ASH1L: variants seen among roughly 807,000 people sequenced by gnomAD.
ASH1L encodes ASH1 like histone lysine methyltransferase, also known as histone-lysine N-methyltransferase ASH1L.
Under a neutral mutation model 269.0 loss-of-function variants are expected in ASH1L, and 23 were observed. That is an observed-to-expected ratio of 0.09 (90% CI 0.06 to 0.12). The LOEUF is 0.12. Ranked by LOEUF, ASH1L falls within the 10% of genes least tolerant of loss-of-function variation. The probability of loss-of-function intolerance (pLI) is 1.00; values close to 1 mark genes in which losing one functional copy is unlikely to be tolerated. For synonymous variants in ASH1L, 1,187 were observed against 1,253.5 expected (o/e 0.95, Z 1.12); for missense variants, 2,912 against 3,567.8 (o/e 0.82, Z 4.68).
chr1:155,380,590 GT>G (rs1005824503), intron 7 of ASH1L, among the ~76,000 whole-genome samples: 4 of 151,014 alleles, frequency 2.6e-5, no homozygotes, highest in African/African-American at 9.7e-5. Context: ...TGATTTTTTT[GT>G]TTTTGTCTTA....
At chr1:155,467,527 A>C (rs1489635222) in intron 3 of ASH1L, among the ~76,000 whole-genome samples, 1 of 152,210 alleles carries the variant, frequency 6.6e-6, no homozygotes, top group African/African-American at 2.4e-5. Context: ...TTAAGTCTTC[A>C]TAAGATTTAA....
At chr1:155,536,493 T>C (rs1050063717) in intron 1 of ASH1L, among the ~76,000 whole-genome samples, 11 of 152,190 alleles carry the variant, frequency 7.2e-5, no homozygotes, top group Non-Finnish European at 1.3e-4. Context: ...ACACACGCAG[T>C]CTGTCAGCAA....
rs539158222 is a variant in ASH1L at position 155,438,873 on chromosome 1, T to C, written c.5282A>G (p.Lys1761Arg). 5 of 1,614,196 alleles carry C rather than the reference T, an allele frequency of 3.1e-6. No homozygotes were observed. In the African/African-American group the frequency reaches 6.7e-5, roughly 22 times the overall value. Residue 1761 changes from lysine (K) to arginine (R), a missense_variant, in exon 5 of 28, where the codon AAA becomes AGA. Transcript: ENST00000392403. ...TGCAGGCACTAAAAGGCTGTCTGGT[T>C]TTCCCAGGGTTCGGTCCTTGCTGTG... ...RSHSKDRTLG[K>R]PDSLLVPAVT... is the part of the protein sequence containing the mutation.
intron 4 of ASH1L, among the ~76,000 whole-genome samples, chr1:155,444,767 C>A (rs906442460): frequency 2.0e-5 from 3 of 150,922 alleles, no homozygotes. Flanking sequence ...CAGGTGCCTG[C>A]CACTACGCCC....
intron 1 of ASH1L, among the ~76,000 whole-genome samples, chr1:155,543,527 A>AC (rs1670586995): frequency 6.6e-6 from 1 of 151,518 alleles, no homozygotes; most frequent in Non-Finnish European, 1.5e-5. Flanking sequence ...AAAAAAAAAA[A>AC]AAAAGATTTC....
rs144501405 is a variant in ASH1L, at chr1:155,414,006, A to T, written c.6008+1738T>A. Among the ~76,000 whole-genome samples the T allele has an allele frequency of 4.1e-3, 626 of 152,292 alleles. 32 individuals are homozygous for T. The East Asian group carries it at 0.11, about 26-fold the overall frequency. ...TTTTGTGATATCTACCTCAGTGACA[A>T]ATCAATAAAAATCTTTTAAATGCAA... On this transcript the variant is annotated intron_variant, in intron 6 of 27. Transcript: ENST00000392403.
At chr1:155,558,806 A>T (rs1671769152) in intron 1 of ASH1L, among the ~76,000 whole-genome samples, 1 of 150,814 alleles carries the variant, frequency 6.6e-6, no homozygotes, top group Non-Finnish European at 1.5e-5. Context: ...CACTGGGATC[A>T]TAGGGATAAC....
At chr1:155,430,621 G>C (rs1661524144) in intron 5 of ASH1L, among the ~76,000 whole-genome samples, 1 of 151,358 alleles carries the variant, frequency 6.6e-6, no homozygotes, top group Non-Finnish European at 1.5e-5. Flanking sequence ...CATTCCTATT[G>C]ATCGGCTTTA....
At chr1:155,545,359 C>G (rs1427538600) in intron 1 of ASH1L, among the ~76,000 whole-genome samples, 1 of 151,400 alleles carries the variant, frequency 6.6e-6, no homozygotes, top group Non-Finnish European at 1.5e-5. Flanking sequence ...CTCTTTGACT[C>G]CAAAAGTAAT....
intron 1 of ASH1L, among the ~76,000 whole-genome samples, chr1:155,551,430 G>A (rs1193809383): frequency 6.7e-6 from 1 of 149,202 alleles, no homozygotes; most frequent in South Asian, 2.1e-4. Flanking sequence ...GGAGGCCGAG[G>A]CGGGCGGATC....
At chr1:155,423,806 T>C (rs963303364) in intron 5 of ASH1L, among the ~76,000 whole-genome samples, 2 of 152,196 alleles carry the variant, frequency 1.3e-5, no homozygotes, top group African/African-American at 4.8e-5. Flanking sequence ...TTCGGCGCAC[T>C]GCAACCTCCA....
chr1:155,408,968 A>G (rs1310129850), intron 6 of ASH1L, among the ~76,000 whole-genome samples: 4 of 152,190 alleles, frequency 2.6e-5, no homozygotes, highest in Admixed American at 6.6e-5. Flanking sequence ...AGAGAAGCTC[A>G]TCTTCACCAG....
intron 5 of ASH1L, among the ~76,000 whole-genome samples, chr1:155,417,322 T>A (rs999101979): frequency 2.6e-5 from 4 of 151,914 alleles, no homozygotes; most frequent in Non-Finnish European, 5.9e-5. Flanking sequence ...AAGGGATATA[T>A]CAGAGTACAG....
intron 11 of ASH1L, 52 bp from the exon 12 acceptor site, chr1:155,370,702 A>C (rs1303522517): frequency 1.1e-5 from 17 of 1,611,864 alleles, no homozygotes; most frequent in Non-Finnish European, 1.2e-5. Flanking sequence ...CTGAAAGTAA[A>C]TTTCACATCT....
chr1:155,356,489 G>A (rs555137396), intron 15 of ASH1L, among the ~76,000 whole-genome samples: 35 of 151,930 alleles, frequency 2.3e-4, no homozygotes, highest in Admixed American at 2.0e-3. Flanking sequence ...TAAAAAATTA[G>A]CCAGGCGTGG....
At chr1:155,410,889 A>G (rs556647476) in intron 6 of ASH1L, among the ~76,000 whole-genome samples, 11 of 151,886 alleles carry the variant, frequency 7.2e-5, no homozygotes, top group Non-Finnish European at 1.5e-4. Flanking sequence ...TACAGGCGTG[A>G]GCAATCGCAC....
intron 3 of ASH1L, among the ~76,000 whole-genome samples, chr1:155,463,842 G>A (rs961859009): frequency 1.3e-5 from 2 of 152,136 alleles, no homozygotes; most frequent in Non-Finnish European, 2.9e-5. Flanking sequence ...GTTATACCCA[G>A]TAGGGAGCTA....
intron 12 of ASH1L, among the ~76,000 whole-genome samples, chr1:155,363,507 G>A (rs111607007): frequency 6.6e-6 from 1 of 151,698 alleles, no homozygotes; most frequent in Non-Finnish European, 1.5e-5. Context: ...GCCTCCCAAA[G>A]TGCTGCGATT....
intron 13 of ASH1L, among the ~76,000 whole-genome samples, chr1:155,359,322 CG>C (rs2148378605): frequency 6.6e-6 from 1 of 152,226 alleles, no homozygotes; most frequent in African/African-American, 2.4e-5. Flanking sequence ...CTCGCTCTGT[CG>C]CCCAGGATGG....
Sources: gnomAD v4.1 joint callset for allele counts (sites outside exome capture counted in the v4.1 genomes callset) on GRCh38, gnomAD v4.1.1 for gene constraint, MANE v1.5 for transcripts, NCBI Gene and HGNC (gene_info 2026-07-23, HGNC 2026-07-21) for gene names.